The following ASB5 variants were observed in gnomAD, a reference collection of about 807,000 sequenced individuals.
ASB5 encodes ankyrin repeat and SOCS box containing 5, also known as ankyrin repeat and SOCS box protein 5.
ASB5 carries 45 observed loss-of-function variants against 42.1 expected under a neutral mutation model. The observed-to-expected ratio is 1.07, with a 90% CI of 0.84 to 1.37. ASB5 has a LOEUF of 1.37. Ranked by LOEUF, ASB5 falls within the 40% of genes most tolerant of loss-of-function variation. The pLI is 0.00. For synonymous variants in ASB5, 147 were observed against 150.6 expected (o/e 0.98, Z 0.18); for missense variants, 402 against 399.8 (o/e 1.01, Z -0.05).
At chr4:176,220,831 A>G (rs1196642648) in intron 5 of ASB5, among the ~76,000 whole-genome samples, 1 of 152,216 alleles carries the variant, frequency 6.6e-6, no homozygotes, top group East Asian at 1.9e-4. Context: ...ATCATATTCA[A>G]TCTTGAGGAT....
At chr4:176,259,755 T>C (rs1438400339) in intron 1 of ASB5, among the ~76,000 whole-genome samples, 1 of 152,234 alleles carries the variant, frequency 6.6e-6, no homozygotes, top group Non-Finnish European at 1.5e-5. Flanking sequence ...AGCCAGTGCT[T>C]CTATTTAAAA....
upstream of ASB5, among the ~76,000 whole-genome samples, chr4:176,272,848 A>G (rs1461718954): frequency 6.6e-6 from 1 of 152,022 alleles, no homozygotes; most frequent in African/African-American, 2.4e-5. Flanking sequence ...GATTGAAAAT[A>G]TCAATGGGTT....
intron 1 of ASB5, among the ~76,000 whole-genome samples, chr4:176,228,205 C>T (rs1304231243): frequency 6.6e-6 from 1 of 152,166 alleles, no homozygotes; most frequent in Non-Finnish European, 1.5e-5. Context: ...CTATTGTCTA[C>T]ACAGTCTTTA....
intron 2 of ASB5, among the ~76,000 whole-genome samples, chr4:176,275,418 T>G (rs994049174): frequency 1.3e-5 from 2 of 152,214 alleles, no homozygotes; most frequent in African/African-American, 4.8e-5. Context: ...TCAAATCTAT[T>G]TTAACTCCAG....
intron 1 of ASB5, among the ~76,000 whole-genome samples, chr4:176,259,052 T>C (rs1754208370): frequency 1.3e-5 from 2 of 152,234 alleles, no homozygotes; most frequent in East Asian, 1.9e-4. Flanking sequence ...GCCCCTATAC[T>C]AGATTCTACT....
At chr4:176,241,259 G>A (rs1490524518) in intron 1 of ASB5, among the ~76,000 whole-genome samples, 4 of 152,046 alleles carry the variant, frequency 2.6e-5, no homozygotes, top group Non-Finnish European at 5.9e-5. Flanking sequence ...TGATACTTAA[G>A]TTGATATAAC....
rs556221165 is a variant in ASB5, at chr4:176,258,988, G to A, written c.196+9925C>T. On this transcript the variant is annotated intron_variant, in intron 1 of 6. Coordinates refer to ENST00000296525, the MANE Select transcript of ASB5 (RefSeq NM_080874.4). ...TAAAGGTTTTTTTTCTCCAGCCAGA[G>A]CCAGTCTTGTTTTGTTGGTTTATTT... Among the ~76,000 whole-genome samples, 5 of 152,082 alleles carry A rather than the reference G, an allele frequency of 3.3e-5. No individual in the cohort carries two copies. In the South Asian group the frequency reaches 1.0e-3, roughly 32 times the overall value.
intron 1 of ASB5, among the ~76,000 whole-genome samples, chr4:176,263,803 G>A (rs1008287784): frequency 1.1e-4 from 16 of 152,130 alleles, no homozygotes; most frequent in African/African-American, 3.9e-4. Flanking sequence ...TCAGAAACAG[G>A]TATAGAGAAT....
At chr4:176,237,691 T>A in intron 1 of ASB5, 3 of 595,904 alleles carry the variant, frequency 5.0e-6, no homozygotes, top group Non-Finnish European at 6.3e-6. Context: ...CGGAAGTCTT[T>A]AACTATTTGT....
chr4:176,275,122 C>A (rs1400162424), intron 2 of ASB5, among the ~76,000 whole-genome samples: 1 of 151,974 alleles, frequency 6.6e-6, no homozygotes, highest in Admixed American at 6.6e-5. Flanking sequence ...ACCATGTTGG[C>A]CAGGCTGGTC....
At chr4:176,258,217 G>C (rs1160413820) in intron 1 of ASB5, among the ~76,000 whole-genome samples, 1 of 152,112 alleles carries the variant, frequency 6.6e-6, no homozygotes, top group African/African-American at 2.4e-5. Flanking sequence ...TTTCATATAA[G>C]ATTTCTATGA....
At chr4:176,246,784 A>G (rs544862277) in intron 1 of ASB5, among the ~76,000 whole-genome samples, 36 of 152,340 alleles carry the variant, frequency 2.4e-4, no homozygotes, top group African/African-American at 8.7e-4. Flanking sequence ...CTCAATTGAA[A>G]AACAAAAATG....
intron 1 of ASB5, among the ~76,000 whole-genome samples, chr4:176,255,403 A>G (rs1157433951): frequency 1.3e-5 from 2 of 152,216 alleles, no homozygotes; most frequent in South Asian, 2.1e-4. Flanking sequence ...AAAAAGGCAC[A>G]TGCACTTGTA....
In ASB5 at chr4:176,222,274, A is replaced by G. The variant is rs1420897651; in HGVS notation, c.384+39T>C. 4 of 1,522,104 alleles carry G rather than the reference A, an allele frequency of 2.6e-6. No homozygotes were observed. The Admixed American group carries it at 5.0e-5, about 19-fold the overall frequency. The allele number at this position is 1,522,104 out of a possible 1,614,324, so 94.3% of individuals were successfully genotyped here. ...AGAACTCTGTTGGATTCCCTCCGTC[A>G]GTAGATGTTAAATGATTAATGTTTT... On this transcript the variant is annotated intron_variant, in intron 3 of 6. Coordinates refer to ENST00000296525, the MANE Select transcript of ASB5 (RefSeq NM_080874.4).
chr4:176,255,199 T>A (rs1393701654), intron 1 of ASB5, among the ~76,000 whole-genome samples: 1 of 152,104 alleles, frequency 6.6e-6, no homozygotes, highest in Non-Finnish European at 1.5e-5. Flanking sequence ...ACAGTTGTTA[T>A]TAAAAAGAAA....
At chr4:176,243,823 A>AT (rs1434359083) in intron 1 of ASB5, among the ~76,000 whole-genome samples, 1 of 152,014 alleles carries the variant, frequency 6.6e-6, no homozygotes, top group African/African-American at 2.4e-5. Context: ...TTAAAGTCTT[A>AT]TTTTTCTCAT....
At chr4:176,218,653 ATTTG>A in intron 5 of ASB5, among the ~76,000 whole-genome samples, 2 of 84,688 alleles carry the variant, frequency 2.4e-5, no homozygotes, top group South Asian at 6.6e-4. Flanking sequence ...AAATATATAT[ATTTG>A]TATGATATAT....
chr4:176,260,700 AC>A (rs1179211401), intron 1 of ASB5, among the ~76,000 whole-genome samples: 1 of 152,080 alleles, frequency 6.6e-6, no homozygotes, highest in African/African-American at 2.4e-5. Context: ...TTTTTTTGAG[AC>A]GGAGTCTAGC....
At position 176,274,986 on chromosome 4, in the gene ASB5, C is replaced by T. The variant is rs140116149; in HGVS notation, c.-90+810G>A. ...CTGGAGTGCAGTGGCACTATCTGGG[C>T]TCACTGCAGCCTCCATCTCCCAGGT... On this transcript the variant is annotated intron_variant, in intron 2 of 2. Transcript: ENST00000505299. Among the ~76,000 whole-genome samples, 1,218 of 140,248 alleles carry T rather than the reference C, an allele frequency of 8.7e-3. 11 individuals are homozygous for T. Among genetic ancestry groups the T allele is most frequent in the African/African-American group, 0.031 (1,164 of 37,348 alleles). The allele number at this position is 140,248 out of a possible 152,430, so 92.0% of individuals were successfully genotyped here. A position where few individuals can be genotyped will look rare whatever the true frequency, so the allele number is the denominator to read the frequency against.
Sources: gnomAD v4.1 joint callset for allele counts (sites outside exome capture counted in the v4.1 genomes callset) on GRCh38, gnomAD v4.1.1 for gene constraint, MANE v1.5 for transcripts, NCBI Gene and HGNC (gene_info 2026-07-23, HGNC 2026-07-21) for gene names.